The following KCNE2 variants were observed in gnomAD, a reference collection of about 807,000 sequenced individuals.
KCNE2 encodes the protein potassium voltage-gated channel subfamily E member 2.
A neutral mutation model predicts 4.5 loss-of-function variants in KCNE2; 4 were observed. The observed-to-expected ratio is 0.89, with a 90% CI of 0.44 to 2.03. The LOEUF is 2.03. KCNE2 is among the 30% of genes most tolerant of loss of function. The pLI is 0.03. For missense variants in KCNE2, 137 were observed against 151.4 expected, an observed-to-expected ratio of 0.90 and a Z score of 0.50; for synonymous variants, 57 against 55.9, an observed-to-expected ratio of 1.02 and a Z score of -0.09.
At chr21:34,365,057 G>T (rs1310488289) in intron 1 of KCNE2, among the ~76,000 whole-genome samples, 1 of 152,188 alleles carries the variant, frequency 6.6e-6, no homozygotes, top group African/African-American at 2.4e-5. Flanking sequence ...AGGACAGTCA[G>T]TGCTGGACAC....
intron 1 of KCNE2, among the ~76,000 whole-genome samples, chr21:34,366,284 C>G (rs10854373): frequency 6.6e-6 from 1 of 151,892 alleles, no homozygotes; most frequent in Admixed American, 6.6e-5. Flanking sequence ...GAGCTTCCTA[C>G]GTGCATAGGT....
Position 34,370,711 on chromosome 21 carries a change from A to G in KCNE2, c.233A>G (p.Glu78Gly). The part of the protein sequence containing the change: ...LVSTVKSKRR[E>G]HSNDPYHQYI... ...AGCACTGTGAAATCCAAGAGACGGGAACACTCCAATGACCCCTACCACCAG... is the reference window on the plus strand; with the variant it reads ...AGCACTGTGAAATCCAAGAGACGGGGACACTCCAATGACCCCTACCACCAG... The change falls in exon 2 of 2, where the codon GAA becomes GGA. Residue 78 changes from glutamate to glycine, a missense_variant. Transcript: ENST00000290310. The G allele has an allele frequency of 6.2e-7, 1 of 1,614,202 alleles. No individual in the cohort carries two copies. Among genetic ancestry groups the G allele is most frequent in the Non-Finnish European group, 8.5e-7 (1 of 1,180,028 alleles).
At chr21:34,364,465 GT>G (rs1031005406) in intron 1 of KCNE2, among the ~76,000 whole-genome samples, 17 of 152,188 alleles carry the variant, frequency 1.1e-4, no homozygotes, top group Middle Eastern at 3.4e-3. Context: ...GATCTACCAT[GT>G]TTCAAGAAAA....
chr21:34,368,229 A>AAAATATATATATAT (rs1979405998), intron 1 of KCNE2, among the ~76,000 whole-genome samples: 1 of 84,796 alleles, frequency 1.2e-5, no homozygotes, highest in Non-Finnish European at 2.0e-5. Context: ...ACACACACAC[A>AAAATATATATATAT]ATATATATAT....
At chr21:34,366,342 C>T (rs867426378) in intron 1 of KCNE2, among the ~76,000 whole-genome samples, 12 of 152,196 alleles carry the variant, frequency 7.9e-5, no homozygotes, top group Middle Eastern at 3.4e-3. Context: ...TTTTACTTTT[C>T]GAGGGATCTT....
chr21:34,369,685 G>A (rs776613394), intron 1 of KCNE2, among the ~76,000 whole-genome samples: 9 of 152,216 alleles, frequency 5.9e-5, no homozygotes, highest in Non-Finnish European at 1.2e-4. Context: ...GATGCTGGAG[G>A]CTGGGCGGTG....
rs1979567427 is a variant in KCNE2 at position 34,370,970 on chromosome 21, A to G, written c.*120A>G. The stretch of plus-strand genomic sequence containing the variant: ...AGTGAGTTCCTTGCTCTCTGTTGAG[A>G]ATTTTCATGGAGATTATGTGGTTGG... On this transcript the variant is annotated 3_prime_UTR_variant, in exon 2 of 2. Coordinates refer to ENST00000290310, the MANE Select transcript of KCNE2 (RefSeq NM_172201.2). 1 of 1,255,600 alleles carries G rather than the reference A, an allele frequency of 8.0e-7. No homozygotes were observed. Among genetic ancestry groups the G allele is most frequent in the Non-Finnish European group, 1.1e-6 (1 of 874,336 alleles). The allele number at this position is 1,255,600 out of a possible 1,614,324, so 77.8% of individuals were successfully genotyped here. A position where few individuals can be genotyped will look rare whatever the true frequency, so the allele number is the denominator to read the frequency against.
chr21:34,366,786 T>A (rs770776711), intron 1 of KCNE2, among the ~76,000 whole-genome samples: 41 of 151,142 alleles, frequency 2.7e-4, no homozygotes, highest in Non-Finnish European at 5.2e-4. Context: ...GAGACCATCC[T>A]GGCTAACATG....
intron 1 of KCNE2, among the ~76,000 whole-genome samples, chr21:34,370,076 G>A (rs1471575288): frequency 5.3e-5 from 8 of 152,098 alleles, no homozygotes; most frequent in Non-Finnish European, 1.0e-4. Context: ...ATGAAAATTT[G>A]GAATATGAGA....
chr21:34,365,186 CA>C (rs1168770889), intron 1 of KCNE2, among the ~76,000 whole-genome samples: 1 of 152,146 alleles, frequency 6.6e-6, no homozygotes, highest in Non-Finnish European at 1.5e-5. Context: ...GAGAGCAAAC[CA>C]GCCTAAATGA....
intron 1 of KCNE2, among the ~76,000 whole-genome samples, chr21:34,366,182 C>T (rs1979283704): frequency 6.6e-6 from 1 of 152,178 alleles, no homozygotes; most frequent in African/African-American, 2.4e-5. Context: ...CAGTGGAATT[C>T]AGCACTGAAG....
In KCNE2 at chr21:34,370,503, C is replaced by T. The variant is rs16991652; in HGVS notation, c.25C>T (p.Gln9Ter). MSTLSNFTQTLEDVFRRIF... is the reference protein window; with the variant it reads MSTLSNFT ...CATGTCTACTTTATCCAATTTCACA[C>T]AGACGCTGGAAGACGTCTTCCGAAG... Residue 9 changes from glutamine to a stop codon, truncating the protein, a stop_gained, in exon 2 of 2, where the codon CAG becomes TAG. Transcript: ENST00000290310. LOFTEE classifies it high-confidence loss of function. The T allele has an allele frequency of 6.2e-7, 1 of 1,614,182 alleles. No individual in the cohort carries two copies. The highest frequency in any genetic ancestry group is 1.1e-5 in the South Asian group (1 of 91,086).
intron 1 of KCNE2, among the ~76,000 whole-genome samples, chr21:34,368,234 A>AC (rs1396110906): frequency 0.015 from 807 of 52,124 alleles, 14 homozygotes; most frequent in African/African-American, 0.041. Context: ...CACACAATAT[A>AC]TATATATATA....
intron 1 of KCNE2, among the ~76,000 whole-genome samples, chr21:34,368,593 C>T (rs1039867145): frequency 6.6e-6 from 1 of 152,016 alleles, no homozygotes; most frequent in Non-Finnish European, 1.5e-5. Context: ...GAGCGAGACT[C>T]CGTCTCAAAA....
At chr21:34,365,713 C>T (rs1420676932) in intron 1 of KCNE2, among the ~76,000 whole-genome samples, 1 of 152,256 alleles carries the variant, frequency 6.6e-6, no homozygotes, top group African/African-American at 2.4e-5. Context: ...GTGTGAACCA[C>T]TGTGCCTGGC....
At chr21:34,370,002 G>A (rs1382717634) in intron 1 of KCNE2, among the ~76,000 whole-genome samples, 1 of 152,150 alleles carries the variant, frequency 6.6e-6, no homozygotes, top group African/African-American at 2.4e-5. Context: ...TATGAATGTG[G>A]CATTATTCTA....
intron 1 of KCNE2, among the ~76,000 whole-genome samples, chr21:34,366,974 C>CAAA (rs747133749): frequency 0.024 from 352 of 14,788 alleles, 32 homozygotes; most frequent in African/African-American, 0.069. Flanking sequence ...GACTCCATCT[C>CAAA]AAAAAAAAAA....
At chr21:34,368,258 A>ATATATATATATATATG (rs1437734710) in intron 1 of KCNE2, among the ~76,000 whole-genome samples, 2 of 96,238 alleles carry the variant, frequency 2.1e-5, no homozygotes, top group Non-Finnish European at 4.0e-5. Context: ...ATATATATAT[A>ATATATATATATATATG]TATGTATGTT....
At chr21:34,364,471 A>G (rs561049339) in intron 1 of KCNE2, among the ~76,000 whole-genome samples, 1 of 152,200 alleles carries the variant, frequency 6.6e-6, no homozygotes, top group East Asian at 1.9e-4. Flanking sequence ...CCATGTTTCA[A>G]GAAAAGAAAA....
Sources: allele counts gnomAD v4.1 joint callset (sites outside exome capture counted in the v4.1 genomes callset), GRCh38; gene constraint gnomAD v4.1.1; transcripts MANE v1.5; gene names NCBI Gene and HGNC (gene_info 2026-07-23, HGNC 2026-07-21).